OCA2: variants seen among roughly 807,000 people sequenced by gnomAD.
OCA2 encodes the protein OCA2 melanosomal transmembrane protein.
A neutral mutation model predicts 100.2 loss-of-function variants in OCA2; 77 were observed. That is an observed-to-expected ratio of 0.77 (90% confidence interval 0.64 to 0.93). The LOEUF is 0.93. OCA2 is among the 40% of genes least tolerant of loss of function. OCA2 has a pLI of 0.00. For synonymous variants in OCA2, 432 were observed against 439.2 expected, an observed-to-expected ratio of 0.98 and a Z score of 0.21; for missense variants, 1,062 against 1,089.1, an observed-to-expected ratio of 0.98 and a Z score of 0.35.
intron 19 of OCA2, 60 bp downstream of exon 19, chr15:27,926,067 T>C: frequency 1.3e-6 from 2 of 1,586,560 alleles, no homozygotes; most frequent in East Asian, 2.2e-5. Flanking sequence ...ATTCACCAAA[T>C]AAAACATGAA....
intron 21 of OCA2, among the ~76,000 whole-genome samples, chr15:27,868,921 A>G (rs1277915976): frequency 6.6e-6 from 1 of 152,232 alleles, no homozygotes; most frequent in African/African-American, 2.4e-5. Flanking sequence ...CTCAAAGGAA[A>G]AGAGGGGAGA....
chr15:27,763,452 C>T (rs953669879), intron 23 of OCA2, among the ~76,000 whole-genome samples: 1 of 152,100 alleles, frequency 6.6e-6, no homozygotes, highest in African/African-American at 2.4e-5. Context: ...GTGGTACAAA[C>T]ACTAAAAAAT....
intron 2 of OCA2, among the ~76,000 whole-genome samples, chr15:28,077,973 G>A (rs1018277926): frequency 5.9e-5 from 9 of 152,240 alleles, no homozygotes; most frequent in South Asian, 4.1e-4. Flanking sequence ...CCAGCTACTC[G>A]GGAGGCTGAG....
intron 16 of OCA2, among the ~76,000 whole-genome samples, chr15:27,956,700 C>T (rs1241293953): frequency 1.3e-5 from 2 of 152,226 alleles, no homozygotes; most frequent in South Asian, 4.1e-4. Context: ...GGACACTGGT[C>T]CTGCTGCTCC....
chr15:28,094,937 T>C (rs1389886499), intron 1 of OCA2, among the ~76,000 whole-genome samples: 1 of 152,190 alleles, frequency 6.6e-6, no homozygotes, highest in East Asian at 1.9e-4. Context: ...TCCTGACACC[T>C]GCCCTGCCGG....
intron 23 of OCA2, among the ~76,000 whole-genome samples, chr15:27,791,644 A>G (rs2033087163): frequency 6.6e-6 from 1 of 152,202 alleles, no homozygotes; most frequent in Non-Finnish European, 1.5e-5. Context: ...ATTTTACTGC[A>G]TGTATAATAA....
chr15:27,917,388 G>A (rs763010443), intron 19 of OCA2, among the ~76,000 whole-genome samples: 47 of 152,138 alleles, frequency 3.1e-4, no homozygotes, highest in Non-Finnish European at 5.1e-4. Flanking sequence ...GAACTAGGAA[G>A]TAGCAAAGCT....
chr15:28,077,751 T>C (rs953720808), intron 2 of OCA2, among the ~76,000 whole-genome samples: 1 of 152,192 alleles, frequency 6.6e-6, no homozygotes, highest in African/African-American at 2.4e-5. Context: ...AAGAAACTGA[T>C]AAGACGCAAA....
the OCA2 span, among the ~76,000 whole-genome samples, chr15:27,729,453 G>A: frequency 2.7e-3 from 404 of 152,218 alleles, 3 homozygotes; most frequent in African/African-American, 9.3e-3. Flanking sequence ...CCAAAAATAT[G>A]TATTAGCCTT....
intron 19 of OCA2, among the ~76,000 whole-genome samples, chr15:27,874,509 A>AT (rs2036710055): frequency 6.6e-6 from 1 of 152,200 alleles, no homozygotes; most frequent in Non-Finnish European, 1.5e-5. Context: ...AAGTGATGAG[A>AT]TTATAGTCTT....
intron 18 of OCA2, among the ~76,000 whole-genome samples, chr15:27,927,784 CTTTTTTTTT>C (rs34037519): frequency 2.9e-5 from 2 of 69,336 alleles, no homozygotes; most frequent in Non-Finnish European, 5.0e-5. Flanking sequence ...CTTTGAGCAT[CTTTTTTTTT>C]TTTTTTTTTT....
intron 19 of OCA2, among the ~76,000 whole-genome samples, chr15:27,875,735 C>CT (rs940819091): frequency 2.7e-5 from 4 of 150,664 alleles, no homozygotes; most frequent in African/African-American, 7.3e-5. Flanking sequence ...CTTGAGCATA[C>CT]TTTTTTTTTA....
At chr15:27,805,758 A>C (rs2033815065) in intron 23 of OCA2, among the ~76,000 whole-genome samples, 1 of 151,880 alleles carries the variant, frequency 6.6e-6, no homozygotes, top group African/African-American at 2.4e-5. Context: ...CCTGGAGAAG[A>C]CCCTCCGCGC....
chr15:27,742,143 A>C, the OCA2 span, among the ~76,000 whole-genome samples: 1 of 152,182 alleles, frequency 6.6e-6, no homozygotes, highest in East Asian at 1.9e-4. Context: ...GGAGAAGAGC[A>C]CCATGCCAGG....
rs1017597760 is a variant in OCA2, at chr15:27,990,496, C to G, written c.1116+80G>C. 3 of 1,424,652 alleles carry G rather than the reference C, an allele frequency of 2.1e-6. No homozygotes were observed. In the African/African-American group the frequency reaches 4.2e-5, roughly 20 times the overall value. 88.3% of individuals were successfully genotyped at this position (1,424,652 alleles called of 1,614,324 possible). Reference sequence around the variant, plus strand: ...GCATATAAAATAGTGAAAAAACCAGCGAAAGCCTGAATCCTGGAACATCTT... The same window carrying G: ...GCATATAAAATAGTGAAAAAACCAGGGAAAGCCTGAATCCTGGAACATCTT... On this transcript the variant is annotated intron_variant, in intron 10 of 23. Transcript: ENST00000354638.
At chr15:28,021,302 C>A (rs945515850) in intron 6 of OCA2, among the ~76,000 whole-genome samples, 20 of 152,118 alleles carry the variant, frequency 1.3e-4, no homozygotes, top group African/African-American at 4.6e-4. Context: ...GGCTGGAGAG[C>A]TGAGAAACAG....
At chr15:27,955,294 T>A (rs2040184441) in intron 16 of OCA2, 79 bp from the exon 17 acceptor site, 1 of 1,056,072 alleles carries the variant, frequency 9.5e-7, no homozygotes, top group Non-Finnish European at 1.5e-6. Flanking sequence ...TCCCCAGCGC[T>A]TCGTGCCTGG....
In OCA2 at chr15:27,781,119, C is replaced by T. The variant is rs2032517682; in HGVS notation, c.2433-25647G>A. ...TAGAGTCTGCTGCCTAAGAAGGCAT[C>T]CCACTGTCAGTGCCTATGGTTCATT... is the stretch of plus-strand genomic sequence containing the variant. On this transcript the variant is annotated intron_variant, in intron 23 of 23. Coordinates refer to ENST00000354638, the MANE Select transcript of OCA2 (RefSeq NM_000275.3). Among the ~76,000 whole-genome samples, 3 of 152,202 alleles carry T rather than the reference C, an allele frequency of 2.0e-5. No homozygotes were observed. The South Asian group carries it at 6.2e-4, about 32-fold the overall frequency.
At chr15:27,770,816 CCCTTCCATTCTTCCT>C (rs2031706153) in intron 23 of OCA2, among the ~76,000 whole-genome samples, 2 of 103,632 alleles carry the variant, frequency 1.9e-5, no homozygotes, top group African/African-American at 3.5e-5. Flanking sequence ...CTTCCTTCCT[CCCTTCCATTCTTCCT>C]TCCTCCCTCT....
Sources: allele counts gnomAD v4.1 joint callset (sites outside exome capture counted in the v4.1 genomes callset), GRCh38; gene constraint gnomAD v4.1.1; transcripts MANE v1.5; gene names NCBI Gene and HGNC (gene_info 2026-07-23, HGNC 2026-07-21).